Variants in PARD3B observed in about 807,000 individuals in gnomAD.
The protein encoded by PARD3B is par-3 family cell polarity regulator beta.
A neutral mutation model predicts 130.2 loss-of-function variants in PARD3B; 103 were observed. That is an observed-to-expected ratio of 0.79 (90% CI 0.67 to 0.93). The LOEUF (loss-of-function observed/expected upper bound fraction) is 0.93. Among genes scored for constraint, PARD3B ranks in the 40% least tolerant of loss-of-function variants. The pLI is 0.00. For missense variants in PARD3B, 1,609 were observed against 1,499.2 expected (o/e 1.07, Z -1.21); for synonymous variants, 583 against 553.2 (o/e 1.05, Z -0.76).
intron 11 of PARD3B, among the ~76,000 whole-genome samples, chr2:205,168,262 T>G (rs1250845466): frequency 5.5e-5 from 7 of 127,510 alleles, no homozygotes; most frequent in African/African-American, 2.2e-4. Context: ...ATGGGAGTAA[T>G]AGAGGAAGAA....
chr2:204,629,886 T>C (rs2034619309), intron 1 of PARD3B, among the ~76,000 whole-genome samples: 9 of 152,218 alleles, frequency 5.9e-5, no homozygotes, highest in Admixed American at 5.9e-4. Flanking sequence ...TAGACTTTTT[T>C]CTGATCTGGT....
At position 205,102,970 on chromosome 2, in the gene PARD3B, A is replaced by G. The variant is rs1235229297; in HGVS notation, c.505-1456A>G. ...GTAATCCCAGCCACTCGGGAGGCTGAGCCAGGAGAATGGCATGAATCAGGG... is the reference window on the plus strand; with the variant it reads ...GTAATCCCAGCCACTCGGGAGGCTGGGCCAGGAGAATGGCATGAATCAGGG... On this transcript the variant is annotated intron_variant, in intron 4 of 22. Transcript: ENST00000406610. Among the ~76,000 whole-genome samples the G allele has an allele frequency of 2.6e-5, 4 of 152,076 alleles. No homozygotes were observed. The East Asian group carries it at 7.7e-4, about 29-fold the overall frequency.
intron 4 of PARD3B, among the ~76,000 whole-genome samples, chr2:205,068,956 A>G (rs970088578): frequency 6.6e-6 from 1 of 152,116 alleles, no homozygotes; most frequent in African/African-American, 2.4e-5. Context: ...TAAACATTCA[A>G]CATGTAGTTA....
chr2:204,734,966 G>A (rs2039682833), intron 2 of PARD3B, among the ~76,000 whole-genome samples: 1 of 151,976 alleles, frequency 6.6e-6, no homozygotes, highest in Non-Finnish European at 1.5e-5. Flanking sequence ...GGGGTGATGG[G>A]TGTTAAAATA....
intron 2 of PARD3B, among the ~76,000 whole-genome samples, chr2:204,756,305 G>T (rs2040671212): frequency 6.6e-6 from 1 of 152,064 alleles, no homozygotes; most frequent in African/African-American, 2.4e-5. Flanking sequence ...TTAGTGTCTT[G>T]AGTAGTGTGG....
rs1455481518 is a variant in PARD3B, at chr2:205,440,646, A to G, written c.3018A>G (p.Pro1006=). Residue 1006 remains proline, a synonymous_variant, in exon 20 of 23, where the codon CCA becomes CCG. Coordinates refer to ENST00000406610, the MANE Select transcript of PARD3B (RefSeq NM_001302769.2). The surrounding 1 kb of genome is among the most constrained non-coding windows in gnomAD (Gnocchi z 4.2). ...GTCTCTATGCCAAGGTCAACAAGCCATACCATCCACTGGTTCCAGCTGACA... is the reference window on the plus strand; with the variant it reads ...GTCTCTATGCCAAGGTCAACAAGCCGTACCATCCACTGGTTCCAGCTGACA... ...LEGLYAKVNK[P]YHPLVPADSG... 6.2e-6 allele frequency: 10 copies of G among 1,613,832 alleles called. No homozygotes were observed. In the South Asian group the frequency reaches 7.7e-5, roughly 12 times the overall value.
chr2:204,688,395 C>T (rs766644074), intron 2 of PARD3B, among the ~76,000 whole-genome samples: 4 of 151,774 alleles, frequency 2.6e-5, no homozygotes, highest in Non-Finnish European at 5.9e-5. Context: ...CTGGCTAACA[C>T]AGTGAAACCC....
chr2:205,320,175 AAGAG>A (rs56949957), intron 18 of PARD3B, among the ~76,000 whole-genome samples: 114,716 of 126,430 alleles, frequency 0.91, 52,223 homozygotes, highest in Admixed American at 0.94. Flanking sequence ...GAAAGAAAGA[AAGAG>A]AGAGAGAGAG....
At chr2:205,120,123 T>A (rs1338453741) in intron 7 of PARD3B, among the ~76,000 whole-genome samples, 1 of 152,130 alleles carries the variant, frequency 6.6e-6, no homozygotes, top group East Asian at 1.9e-4. Flanking sequence ...TGAAAAGAAA[T>A]GAAACCTTAG....
chr2:205,495,230 A>C (rs1479887629), intron 20 of PARD3B, among the ~76,000 whole-genome samples: 3 of 152,200 alleles, frequency 2.0e-5, no homozygotes, highest in Non-Finnish European at 4.4e-5. Context: ...TTAATGATAC[A>C]TCTGCCTTTA....
chr2:205,308,621 C>CAAAAAAAAA (rs1252730210), intron 18 of PARD3B, among the ~76,000 whole-genome samples: 16 of 93,066 alleles, frequency 1.7e-4, no homozygotes, highest in Non-Finnish European at 3.5e-4. Context: ...AAAAAAAAAC[C>CAAAAAAAAA]AAACAACAAA....
intron 2 of PARD3B, among the ~76,000 whole-genome samples, chr2:204,830,196 C>T (rs1331203074): frequency 6.6e-6 from 1 of 151,928 alleles, no homozygotes; most frequent in Non-Finnish European, 1.5e-5. Flanking sequence ...ATAAATTACC[C>T]AGTCTCAGTA....
At chr2:204,821,396 T>C (rs935863482) in intron 2 of PARD3B, among the ~76,000 whole-genome samples, 10 of 152,048 alleles carry the variant, frequency 6.6e-5, no homozygotes, top group Non-Finnish European at 1.0e-4. Context: ...TCATGTCCTT[T>C]GTAGGGACAT....
intron 10 of PARD3B, among the ~76,000 whole-genome samples, chr2:205,147,115 A>C (rs2033422177): frequency 6.6e-6 from 1 of 152,244 alleles, no homozygotes; most frequent in Non-Finnish European, 1.5e-5. Flanking sequence ...AGAAAGAAGT[A>C]AAAACAAAAC....
intron 3 of PARD3B, among the ~76,000 whole-genome samples, chr2:205,043,873 G>A (rs1260588687): frequency 6.6e-6 from 1 of 151,638 alleles, no homozygotes; most frequent in East Asian, 1.9e-4. Flanking sequence ...AGTTATGTAT[G>A]TATACATGTG....
At chr2:204,979,897 C>T (rs940808922) in intron 3 of PARD3B, among the ~76,000 whole-genome samples, 1 of 152,026 alleles carries the variant, frequency 6.6e-6, no homozygotes, top group Non-Finnish European at 1.5e-5. Flanking sequence ...CAATGAGAGA[C>T]AATGTATAAG....
At chr2:205,557,112 G>C (rs2052924807) in intron 22 of PARD3B, among the ~76,000 whole-genome samples, 2 of 152,174 alleles carry the variant, frequency 1.3e-5, no homozygotes, top group Non-Finnish European at 2.9e-5. Flanking sequence ...TTAGAATCAA[G>C]TGTGGAGTCC....
intron 20 of PARD3B, among the ~76,000 whole-genome samples, chr2:205,468,495 C>G (rs1257972583): frequency 6.6e-6 from 1 of 152,222 alleles, no homozygotes; most frequent in Non-Finnish European, 1.5e-5. Context: ...ACAAGCTTTT[C>G]TTCATGACTA....
intron 1 of PARD3B, among the ~76,000 whole-genome samples, chr2:204,609,246 A>C (rs1328937012): frequency 6.6e-6 from 1 of 152,170 alleles, no homozygotes; most frequent in Non-Finnish European, 1.5e-5. Context: ...TGAATCCCAA[A>C]ATATTTTGCT....
Sources: gnomAD v4.1 joint callset for allele counts (sites outside exome capture counted in the v4.1 genomes callset) on GRCh38, gnomAD v4.1.1 for gene constraint, Gnocchi (gnomAD v3.1) non-coding constraint, MANE v1.5 for transcripts, NCBI Gene and HGNC (gene_info 2026-07-23, HGNC 2026-07-21) for gene names.